MARCHF4: variants seen among roughly 807,000 people sequenced by gnomAD.
MARCHF4 encodes the protein E3 ubiquitin-protein ligase MARCHF4.
Under a neutral mutation model 43.9 loss-of-function variants are expected in MARCHF4, and 14 were observed. The ratio of observed to expected loss-of-function variants is 0.32; its 90% CI spans 0.21 to 0.50. The LOEUF (loss-of-function observed/expected upper bound fraction) is 0.50. Among genes scored for constraint, MARCHF4 ranks in the 20% least tolerant of loss-of-function variants. The probability of loss-of-function intolerance (pLI) is 0.98; values close to 1 mark genes in which losing one functional copy is unlikely to be tolerated. For missense variants in MARCHF4, 468 were observed against 536.7 expected (o/e 0.87, Z 1.27); for synonymous variants, 226 against 213.3 (o/e 1.06, Z -0.52).
chr2:216,351,375 CTACAAGCAGAACTA>C (rs1226714216), intron 1 of MARCHF4: 1 of 152,492 alleles, frequency 6.6e-6, no homozygotes, highest in Non-Finnish European at 1.5e-5. Context: ...AATGCAAGAG[CTACAAGCAGAACTA>C]TGCCAAGAAG....
Position 216,347,959 on chromosome 2 carries a change from T to A in MARCHF4, c.516+21786A>T, listed in dbSNP as rs563553039. 8.7e-5 allele frequency among the ~76,000 whole-genome samples: 13 copies of A among 148,992 alleles called. No homozygotes were observed. In the South Asian group the frequency reaches 2.8e-3, roughly 32 times the overall value. On this transcript the variant is annotated intron_variant, in intron 1 of 3. Transcript: ENST00000273067. ...TCAGAGGCATTTTAACCAGAGCAAC[T>A]CCATCTTGAATAGGGGCTGGGTAAA...
Position 216,259,435 on chromosome 2 carries a change from G to A in MARCHF4, c.1110C>T (p.Gly370=), listed in dbSNP as rs1690703537. 1.2e-6 allele frequency: 2 copies of A among 1,614,102 alleles called. No homozygotes were observed. The highest frequency in any genetic ancestry group is 4.5e-5 in the East Asian group (2 of 44,864). ...GPAQAAGHPS[G]PLSHHHCAYT... ...AAGCACAGTGGTGATGGGACAGAGG[G>A]CCTGAGGGGTGGCCGGCAGCCTGGG... Residue 370 remains glycine, a synonymous_variant, in exon 4 of 4, where the codon GGC becomes GGT. Transcript: ENST00000273067.
At chr2:216,286,563 C>T (rs1482865912) in intron 1 of MARCHF4, among the ~76,000 whole-genome samples, 1 of 150,860 alleles carries the variant, frequency 6.6e-6, no homozygotes, top group East Asian at 1.9e-4. Context: ...GCAAGGACAA[C>T]AAACTGTTAG....
intron 1 of MARCHF4, among the ~76,000 whole-genome samples, chr2:216,367,231 G>A (rs1050751802): frequency 6.6e-6 from 1 of 152,036 alleles, no homozygotes; most frequent in African/African-American, 2.4e-5. Context: ...GCCATGTGTA[G>A]ACAATTGCTG....
chr2:216,295,324 G>T (rs1270736696), intron 1 of MARCHF4, among the ~76,000 whole-genome samples: 1 of 152,186 alleles, frequency 6.6e-6, no homozygotes, highest in Non-Finnish European at 1.5e-5. Flanking sequence ...GTAGTGGCGT[G>T]ATCTCAACTT....
At chr2:216,346,776 T>A (rs984763026) in intron 1 of MARCHF4, among the ~76,000 whole-genome samples, 1 of 151,884 alleles carries the variant, frequency 6.6e-6, no homozygotes, top group Non-Finnish European at 1.5e-5. Flanking sequence ...AGGTGGGAGG[T>A]AAGGGTAGGC....
At chr2:216,348,484 G>T (rs1026202751) in intron 1 of MARCHF4, among the ~76,000 whole-genome samples, 1 of 152,180 alleles carries the variant, frequency 6.6e-6, no homozygotes, top group African/African-American at 2.4e-5. Context: ...ACCTCTGGTT[G>T]TCCTCACTGC....
intron 1 of MARCHF4, among the ~76,000 whole-genome samples, chr2:216,320,714 A>G (rs1459838178): frequency 7.3e-6 from 1 of 137,136 alleles, no homozygotes; most frequent in Non-Finnish European, 1.5e-5. Flanking sequence ...TCTGTCACCC[A>G]GGCTGGAGTG....
intron 1 of MARCHF4, 21 bp downstream of exon 1, chr2:216,369,724 A>G: frequency 6.5e-7 from 1 of 1,534,306 alleles, no homozygotes; most frequent in Non-Finnish European, 8.8e-7. Context: ...AGGAAGCAGG[A>G]GAAGAGAAAA....
chr2:216,273,314 G>A (rs1690968425), intron 3 of MARCHF4, among the ~76,000 whole-genome samples: 1 of 152,168 alleles, frequency 6.6e-6, no homozygotes. Flanking sequence ...AATTGTCCTT[G>A]GTATCTGAAA....
At chr2:216,326,618 A>T (rs1691996272) in intron 1 of MARCHF4, among the ~76,000 whole-genome samples, 1 of 152,284 alleles carries the variant, frequency 6.6e-6, no homozygotes, top group African/African-American at 2.4e-5. Flanking sequence ...ACACCGTGGA[A>T]TACTATGCAG....
chr2:216,300,337 G>GATATATATATGTATATAT (rs1691472764), intron 1 of MARCHF4, among the ~76,000 whole-genome samples: 1 of 124,180 alleles, frequency 8.1e-6, no homozygotes, highest in African/African-American at 4.1e-5. Context: ...TGTCCATCTC[G>GATATATATATGTATATAT]ATATATATAT....
chr2:216,359,695 C>A (rs951115126), intron 1 of MARCHF4, among the ~76,000 whole-genome samples: 1 of 152,238 alleles, frequency 6.6e-6, no homozygotes, highest in Non-Finnish European at 1.5e-5. Context: ...AGACCTCCAC[C>A]TGCTTGCTTC....
chr2:216,354,792 CTCTG>C (rs1439693785), intron 1 of MARCHF4, among the ~76,000 whole-genome samples: 1 of 152,226 alleles, frequency 6.6e-6, no homozygotes, highest in Non-Finnish European at 1.5e-5. Context: ...CTCAGGTCCT[CTCTG>C]TCTTTGACTC....
At chr2:216,354,901 T>TTCTTTCTTTCTTTCTTCCTTTCTTTCTC (rs1692460936) in intron 1 of MARCHF4, among the ~76,000 whole-genome samples, 1 of 53,986 alleles carries the variant, frequency 1.9e-5, no homozygotes, top group African/African-American at 9.4e-5. Flanking sequence ...TTTTCTTTCT[T>TTCTTTCTTTCTTTCTTCCTTTCTTTCTC]TCTTTCTTTC....
At chr2:216,288,621 G>C (rs1410751595) in intron 1 of MARCHF4, among the ~76,000 whole-genome samples, 1 of 152,048 alleles carries the variant, frequency 6.6e-6, no homozygotes, top group Admixed American at 6.6e-5. Context: ...CTTCTTTTCA[G>C]GGGATGCCAA....
intron 1 of MARCHF4, among the ~76,000 whole-genome samples, chr2:216,289,099 CAG>C (rs1691265146): frequency 6.7e-6 from 1 of 149,210 alleles, no homozygotes; most frequent in Non-Finnish European, 1.5e-5. Context: ...TTTTTGGAGA[CAG>C]AGTCTCGCTC....
At chr2:216,338,070 A>T (rs1692184591) in intron 1 of MARCHF4, among the ~76,000 whole-genome samples, 2 of 152,188 alleles carry the variant, frequency 1.3e-5, no homozygotes, top group African/African-American at 2.4e-5. Flanking sequence ...ATCCTGGAGG[A>T]GGGAACATGA....
At chr2:216,328,760 G>A (rs774528697) in intron 1 of MARCHF4, among the ~76,000 whole-genome samples, 5 of 152,200 alleles carry the variant, frequency 3.3e-5, no homozygotes, top group East Asian at 1.9e-4. Context: ...ATGATAGGCC[G>A]GGTGCAGAGG....
Sources: gnomAD v4.1 joint callset for allele counts (sites outside exome capture counted in the v4.1 genomes callset) on GRCh38, gnomAD v4.1.1 for gene constraint, MANE v1.5 for transcripts, NCBI Gene and HGNC (gene_info 2026-07-23, HGNC 2026-07-21) for gene names.